OSBP2: variants seen among roughly 807,000 people sequenced by gnomAD.
OSBP2 encodes the protein oxysterol-binding protein 2.
In OSBP2, 66 loss-of-function variants were observed where a neutral mutation model predicts 96.0. That is an observed-to-expected ratio of 0.69 (90% CI 0.56 to 0.84). OSBP2 has a LOEUF of 0.84. Among genes scored for constraint, OSBP2 ranks in the 40% least tolerant of loss-of-function variants. OSBP2 has a pLI of 0.00. For synonymous variants in OSBP2, 525 were observed against 520.9 expected (o/e 1.01, Z -0.11); for missense variants, 1,038 against 1,222.7 (o/e 0.85, Z 2.25).
At position 30,890,847 on chromosome 22, in the gene OSBP2, C is replaced by A. The variant is rs375246814; in HGVS notation, c.1743C>A (p.Ala581=). The change falls in exon 8 of 14, where the codon GCC becomes GCA. Residue 581 remains alanine (A), a synonymous_variant. Coordinates refer to ENST00000332585, the MANE Select transcript of OSBP2 (RefSeq NM_030758.4). This position sits in a 1 kb window ranked among gnomAD's most constrained non-coding sequence, Gnocchi z 4.4. ...TSSVEQMCLV[A]AFSVSSYSTT... ...CAGTGGAGCAGATGTGCCTGGTGGC[C>A]GCCTTCTCTGTGTCCTCCTACTCCA... The A allele has an allele frequency of 6.2e-7, 1 of 1,613,852 alleles. No homozygotes were observed. The highest frequency in any genetic ancestry group is 1.7e-5 in the Admixed American group (1 of 60,030).
intron 2 of OSBP2, among the ~76,000 whole-genome samples, chr22:30,864,901 C>A (rs1401317488): frequency 2.0e-5 from 3 of 149,674 alleles, no homozygotes; most frequent in Non-Finnish European, 4.5e-5. Context: ...AGTTAGTTTC[C>A]CCGAAACAAG....
intron 12 of OSBP2, among the ~76,000 whole-genome samples, chr22:30,898,745 G>T (rs1370555225): frequency 6.6e-6 from 1 of 151,944 alleles, no homozygotes; most frequent in African/African-American, 2.4e-5. Flanking sequence ...TGAGATTTGG[G>T]TAGGGACACA....
intron 2 of OSBP2, among the ~76,000 whole-genome samples, chr22:30,869,032 A>G (rs1454399492): frequency 6.6e-6 from 1 of 152,204 alleles, no homozygotes; most frequent in Non-Finnish European, 1.5e-5. Context: ...GGGTGGTGTC[A>G]GCCTCTTGGT....
Position 30,870,490 on chromosome 22 carries a change from C to T in OSBP2, c.915C>T (p.Thr305=), listed in dbSNP as rs2039435643. The part of the protein sequence containing the change: ...TPADKSELHH[T]LKNLSLKLDD... ...CCGACAAGAGCGAGCTGCACCACAC[C>T]CTGAAGAATCTTTCCCTGAAGTTAG... The change falls in exon 3 of 14, where the codon ACC becomes ACT. Residue 305 remains threonine, a synonymous_variant. Transcript: ENST00000332585. This position sits in a 1 kb window ranked among gnomAD's most constrained non-coding sequence, Gnocchi z 4.1. 6.2e-7 allele frequency: 1 copy of T among 1,613,974 alleles called. No homozygotes were observed. Among genetic ancestry groups the T allele is most frequent in the Non-Finnish European group, 8.5e-7 (1 of 1,180,034 alleles).
At chr22:30,785,174 T>C (rs1197906668) in intron 2 of OSBP2, among the ~76,000 whole-genome samples, 1 of 152,210 alleles carries the variant, frequency 6.6e-6, no homozygotes, top group Admixed American at 6.5e-5. Flanking sequence ...CATTGGGATT[T>C]TGTTTGGTAT....
At chr22:30,739,846 T>C (rs185245914) in intron 1 of OSBP2, among the ~76,000 whole-genome samples, 103 of 151,486 alleles carry the variant, frequency 6.8e-4, no homozygotes, top group Non-Finnish European at 1.1e-3. Flanking sequence ...TTTTGTTTGT[T>C]TGTTTGTGTT....
At chr22:30,889,787 C>G in intron 7 of OSBP2, 151 bp downstream of exon 7, 1 of 721,618 alleles carries the variant, frequency 1.4e-6, no homozygotes, top group East Asian at 2.6e-5. Context: ...ATTATCTAAT[C>G]GTGCACATAG....
chr22:30,730,004 G>C (rs953115392), intron 1 of OSBP2, among the ~76,000 whole-genome samples: 5 of 151,886 alleles, frequency 3.3e-5, no homozygotes, highest in Admixed American at 2.0e-4. Flanking sequence ...TGTCACCCAG[G>C]CTGGAGTGCA....
At chr22:30,846,146 T>A (rs1450233264) in intron 2 of OSBP2, among the ~76,000 whole-genome samples, 1 of 152,068 alleles carries the variant, frequency 6.6e-6, no homozygotes, top group African/African-American at 2.4e-5. Context: ...TATTTTATTT[T>A]ATCTTACATT....
chr22:30,746,551 G>A (rs1233366233), intron 2 of OSBP2, among the ~76,000 whole-genome samples: 1 of 145,186 alleles, frequency 6.9e-6, no homozygotes, highest in Admixed American at 7.1e-5. Flanking sequence ...GTGCAGTGGT[G>A]CAATCTCGGC....
At chr22:30,792,854 T>C (rs944686327) in intron 2 of OSBP2, among the ~76,000 whole-genome samples, 9 of 152,334 alleles carry the variant, frequency 5.9e-5, no homozygotes, top group East Asian at 5.8e-4. Flanking sequence ...TCTGAGCTCA[T>C]GTGAGTAATG....
intron 2 of OSBP2, among the ~76,000 whole-genome samples, chr22:30,852,358 T>A (rs993850113): frequency 2.6e-5 from 4 of 152,204 alleles, no homozygotes; most frequent in Admixed American, 2.6e-4. Flanking sequence ...TTTTATTTCT[T>A]GTGTCATTTT....
intron 8 of OSBP2, 128 bp from the exon 9 acceptor site, chr22:30,892,994 C>G: frequency 8.0e-7 from 1 of 1,246,302 alleles, no homozygotes; most frequent in East Asian, 2.4e-5. Context: ...TGAGGAACAG[C>G]CAGGACTGCT....
intron 2 of OSBP2, among the ~76,000 whole-genome samples, chr22:30,787,788 G>A (rs2090614485): frequency 6.6e-6 from 1 of 152,210 alleles, no homozygotes; most frequent in Non-Finnish European, 1.5e-5. Context: ...GATGAGATTT[G>A]GGTGGGGACA....
chr22:30,821,236 G>C (rs144954215), intron 2 of OSBP2, among the ~76,000 whole-genome samples: 52 of 152,302 alleles, frequency 3.4e-4, no homozygotes, highest in African/African-American at 1.2e-3. Context: ...GAGTGGGAGA[G>C]TGTCAGCGTC....
intron 2 of OSBP2, among the ~76,000 whole-genome samples, chr22:30,858,695 A>G (rs2039138208): frequency 6.6e-6 from 1 of 151,282 alleles, no homozygotes; most frequent in Non-Finnish European, 1.5e-5. Flanking sequence ...CCTGGCCAGC[A>G]TGGTAAAACC....
intron 1 of OSBP2, among the ~76,000 whole-genome samples, chr22:30,701,376 C>T (rs868538523): frequency 7.0e-6 from 1 of 142,774 alleles, no homozygotes; most frequent in Admixed American, 7.5e-5. Context: ...CAGAGTCTCG[C>T]TCTGTAGCCC....
At chr22:30,765,739 G>T (rs1423394774) in intron 2 of OSBP2, among the ~76,000 whole-genome samples, 1 of 151,948 alleles carries the variant, frequency 6.6e-6, no homozygotes, top group Non-Finnish European at 1.5e-5. Flanking sequence ...GATGGTGTAG[G>T]GCCTTATTGT....
At chr22:30,784,117 A>G (rs2090555563) in intron 2 of OSBP2, among the ~76,000 whole-genome samples, 1 of 152,072 alleles carries the variant, frequency 6.6e-6, no homozygotes, top group Non-Finnish European at 1.5e-5. Flanking sequence ...CAAATCCTAG[A>G]TTTTCATTCT....
Sources: gnomAD v4.1 joint callset for allele counts (sites outside exome capture counted in the v4.1 genomes callset) on GRCh38, gnomAD v4.1.1 for gene constraint, Gnocchi (gnomAD v3.1) non-coding constraint, MANE v1.5 for transcripts, NCBI Gene and HGNC (gene_info 2026-07-23, HGNC 2026-07-21) for gene names.